KBTBD2: variants seen among roughly 807,000 people sequenced by gnomAD.
KBTBD2 encodes the protein kelch repeat and BTB domain-containing protein 2.
In KBTBD2, 17 loss-of-function variants were observed where a neutral mutation model predicts 57.1. The ratio of observed to expected loss-of-function variants is 0.30; its 90% CI spans 0.20 to 0.45. The LOEUF (loss-of-function observed/expected upper bound fraction) is 0.45, where lower values mean the gene tolerates loss of function less well. Ranked by LOEUF, KBTBD2 falls within the 20% of genes least tolerant of loss-of-function variation. KBTBD2 has a pLI of 1.00. For missense variants in KBTBD2, 515 were observed against 750.6 expected, an observed-to-expected ratio of 0.69 and a Z score of 3.67; for synonymous variants, 267 against 262.7, an observed-to-expected ratio of 1.02 and a Z score of -0.16.
chr7:32,881,001 T>G (rs1784431959), intron 1 of KBTBD2, among the ~76,000 whole-genome samples: 1 of 151,404 alleles, frequency 6.6e-6, no homozygotes, highest in Non-Finnish European at 1.5e-5. Flanking sequence ...CTCAGGAGGC[T>G]GAGGCAGGGG....
intron 1 of KBTBD2, among the ~76,000 whole-genome samples, chr7:32,884,966 G>A (rs982788143): frequency 4.7e-5 from 6 of 128,818 alleles, no homozygotes; most frequent in Non-Finnish European, 9.5e-5. Context: ...ATATATGTGT[G>A]TATGTGTGTG....
At chr7:32,886,506 CTT>C (rs1020107039) in intron 1 of KBTBD2, among the ~76,000 whole-genome samples, 11 of 152,124 alleles carry the variant, frequency 7.2e-5, no homozygotes, top group Admixed American at 4.6e-4. Flanking sequence ...CTAGAGATGA[CTT>C]AAAGTATTGG....
chr7:32,879,647 C>T lies in KBTBD2; in HGVS notation c.-43G>A, dbSNP rs778766820. 6.5e-7 allele frequency: 1 copy of T among 1,539,648 alleles called. No individual in the cohort carries two copies. The highest frequency in any genetic ancestry group is 8.9e-7 in the Non-Finnish European group (1 of 1,122,484). ...ATCTCCAGGAACAGATTAGAAAAGTCCGTCTTACTGATGGAAGGTCAAGTG... is the reference window on the plus strand; with the variant it reads ...ATCTCCAGGAACAGATTAGAAAAGTTCGTCTTACTGATGGAAGGTCAAGTG... On this transcript the variant is annotated 5_prime_UTR_variant, in exon 2 of 4. Coordinates refer to ENST00000304056, the MANE Select transcript of KBTBD2 (RefSeq NM_015483.3).
At position 32,870,201 on chromosome 7, in the gene KBTBD2, T is replaced by A; in HGVS notation, c.1016A>T (p.Lys339Ile). ...NTKTNHSKTS[K>I]LQTAFRTVNC... ...CACAGTTCTGAAGGCAGTCTGAAGT[T>A]TGCTTGTTTTACTGTGATTTGTTTT... The change falls in exon 4 of 4, where the codon AAA (lysine) becomes ATA (isoleucine). Residue 339 changes from lysine to isoleucine, a missense_variant. Lys to Ile is a moderately radical substitution (Grantham distance 102, BLOSUM62 -3). Coordinates refer to ENST00000304056, the MANE Select transcript of KBTBD2 (RefSeq NM_015483.3). The A allele has an allele frequency of 6.2e-7, 1 of 1,614,162 alleles. No individual in the cohort carries two copies. Among genetic ancestry groups the A allele is most frequent in the Non-Finnish European group, 8.5e-7 (1 of 1,180,034 alleles).
rs768853563 is a variant in KBTBD2 at position 32,870,108 on chromosome 7, C to T, written c.1109G>A (p.Arg370His). The T allele has an allele frequency of 1.2e-6, 2 of 1,614,158 alleles. No individual in the cohort carries two copies. The highest frequency in any genetic ancestry group is 1.7e-6 in the Non-Finnish European group (2 of 1,180,022). The change falls in exon 4 of 4, where the codon CGC becomes CAC. Residue 370 changes from arginine to histidine, a missense_variant. Arg to His is a conservative substitution (Grantham distance 29). Coordinates refer to ENST00000304056, the MANE Select transcript of KBTBD2 (RefSeq NM_015483.3). ...ACAGCAAACCAAAGATGGCTTTATGCGGACAAAAAGCATTGGGGTCTTTGG... is the reference window on the plus strand; with the variant it reads ...ACAGCAAACCAAAGATGGCTTTATGTGGACAAAAAGCATTGGGGTCTTTGG... ...WFPKTPMLFV[R>H]IKPSLVCCEG...
intron 3 of KBTBD2, among the ~76,000 whole-genome samples, chr7:32,874,299 C>T (rs1324060732): frequency 2.0e-5 from 3 of 151,930 alleles, no homozygotes; most frequent in African/African-American, 4.8e-5. Context: ...ACTCGGGAGG[C>T]TGAGGCAGGA....
In KBTBD2 at chr7:32,868,271, C is replaced by T. The variant is rs1426538762; in HGVS notation, c.*1074G>A. ...GCTAGTAATGTTTGTCATGAAGCAC[C>T]TGTGCTCATGTTAGATTGGCGGCGC... On this transcript the variant is annotated 3_prime_UTR_variant, in exon 4 of 4. Coordinates refer to ENST00000304056, the MANE Select transcript of KBTBD2 (RefSeq NM_015483.3). The T allele has an allele frequency of 2.0e-5, 3 of 152,546 alleles. No individual in the cohort carries two copies. Among genetic ancestry groups the T allele is most frequent in the Non-Finnish European group, 4.4e-5 (3 of 68,026 alleles). The allele number at this position is 152,546 out of a possible 1,614,324, so 9.4% of individuals were successfully genotyped here.
chr7:32,876,016 T>C (rs546835416), intron 2 of KBTBD2, among the ~76,000 whole-genome samples: 2 of 152,286 alleles, frequency 1.3e-5, no homozygotes, highest in South Asian at 4.1e-4. Context: ...GGGTAGATTT[T>C]GTGGTATGTA....
chr7:32,888,924 C>T (rs1347158789), intron 1 of KBTBD2, among the ~76,000 whole-genome samples: 1 of 152,140 alleles, frequency 6.6e-6, no homozygotes, highest in African/African-American at 2.4e-5. Context: ...GCAATGCCAC[C>T]TGCGATACAA....
chr7:32,880,458 C>T (rs1375197477), intron 1 of KBTBD2, among the ~76,000 whole-genome samples: 1 of 151,798 alleles, frequency 6.6e-6, no homozygotes, highest in African/African-American at 2.4e-5. Flanking sequence ...TTCAAATTTG[C>T]CATTCAATTC....
At chr7:32,880,301 T>G (rs1352177144) in intron 1 of KBTBD2, among the ~76,000 whole-genome samples, 1 of 152,016 alleles carries the variant, frequency 6.6e-6, no homozygotes, top group Admixed American at 6.6e-5. Flanking sequence ...ATGATCATAA[T>G]ATTTAAGAAA....
intron 1 of KBTBD2, among the ~76,000 whole-genome samples, chr7:32,884,390 T>TAAA (rs11363525): frequency 1.6e-5 from 2 of 125,794 alleles, no homozygotes; most frequent in Admixed American, 8.3e-5. Flanking sequence ...ATTTTTAATT[T>TAAA]AAAAAAAAAA....
chr7:32,877,965 A>C (rs1412401771), intron 2 of KBTBD2, among the ~76,000 whole-genome samples: 1 of 151,922 alleles, frequency 6.6e-6, no homozygotes, highest in African/African-American at 2.4e-5. Context: ...AAAAAAAATT[A>C]GCCGGGCATG....
chr7:32,876,828 G>A (rs1205123654), intron 2 of KBTBD2, among the ~76,000 whole-genome samples: 1 of 151,932 alleles, frequency 6.6e-6, no homozygotes, highest in East Asian at 2.0e-4. Context: ...GTGGTGGCAG[G>A]TGCCTGTAAT....
At position 32,875,166 on chromosome 7, in the gene KBTBD2, G is replaced by A. The variant is rs760006007; in HGVS notation, c.171-9C>T. On this transcript the variant is annotated splice_polypyrimidine_tract_variant and intron_variant, in intron 2 of 3. Coordinates refer to ENST00000304056, the MANE Select transcript of KBTBD2 (RefSeq NM_015483.3). ...CACTCATAAACATGGCCCTACAGGG[G>A]AGATGAAGAAAACAAAGTTGTAAGG... 6.2e-7 allele frequency: 1 copy of A among 1,611,454 alleles called. No individual in the cohort carries two copies. The highest frequency in any genetic ancestry group is 8.5e-7 in the Non-Finnish European group (1 of 1,178,928).
rs1784093656 is a variant in KBTBD2, at chr7:32,868,893, T to C, written c.*452A>G. On this transcript the variant is annotated 3_prime_UTR_variant, in exon 4 of 4. Transcript: ENST00000304056. ...GACATTTCTATACCAACACGGACAT[T>C]AGTGTTAAGTGCAGTTGAATTAATT... 6.4e-6 allele frequency: 1 copy of C among 157,348 alleles called. No individual in the cohort carries two copies. The highest frequency in any genetic ancestry group is 2.4e-5 in the African/African-American group (1 of 41,466). 9.7% of individuals were successfully genotyped at this position (157,348 alleles called of 1,614,324 possible).
Position 32,879,704 on chromosome 7 carries a change from C to G in KBTBD2, c.-100G>C. 1.1e-6 allele frequency: 1 copy of G among 906,572 alleles called. No individual in the cohort carries two copies. 56.2% of individuals were successfully genotyped at this position (906,572 alleles called of 1,614,324 possible). A position where few individuals can be genotyped will look rare whatever the true frequency, so the allele number is the denominator to read the frequency against. On this transcript the variant is annotated 5_prime_UTR_variant, in exon 2 of 4. Transcript: ENST00000304056. ...TCAGAAATAAAGGAGAACCTACTTG[C>G]TGTTATCTGCAGCATTCAGTACCAA...
chr7:32,881,100 C>CAAAAAAAA (rs10617384), intron 1 of KBTBD2, among the ~76,000 whole-genome samples: 1 of 125,716 alleles, frequency 8.0e-6, no homozygotes. Flanking sequence ...GACACCGTCT[C>CAAAAAAAA]AAAAAAAAAA....
chr7:32,891,884 C>CCCGCCG (rs1289069147), upstream of KBTBD2: 5 of 127,228 alleles, frequency 3.9e-5, no homozygotes, highest in Admixed American at 1.5e-4. Context: ...GCCCGCCGCC[C>CCCGCCG]CCGCCGCCCC....
Sources: gnomAD v4.1 joint callset for allele counts (sites outside exome capture counted in the v4.1 genomes callset) on GRCh38, gnomAD v4.1.1 for gene constraint, MANE v1.5 for transcripts, NCBI Gene and HGNC (gene_info 2026-07-23, HGNC 2026-07-21) for gene names.